UBR1: variants seen among roughly 807,000 people sequenced by gnomAD.
The protein encoded by UBR1 is E3 ubiquitin-protein ligase UBR1.
In UBR1, 102 loss-of-function variants were observed where a neutral mutation model predicts 242.1. The ratio of observed to expected loss-of-function variants is 0.42; its 90% confidence interval spans 0.36 to 0.50. The LOEUF is 0.50. Ranked by LOEUF, UBR1 falls within the 20% of genes least tolerant of loss-of-function variation. UBR1 has a pLI of 0.01. For missense variants in UBR1, 1,772 were observed against 2,101.8 expected (o/e 0.84, Z 3.07); for synonymous variants, 675 against 684.8 (o/e 0.99, Z 0.22).
intron 15 of UBR1, among the ~76,000 whole-genome samples, chr15:43,041,284 C>T (rs1354924764): frequency 6.6e-6 from 1 of 152,024 alleles, no homozygotes; most frequent in Non-Finnish European, 1.5e-5. Context: ...TGAGTTCATG[C>T]CCTTTGTAGG....
chr15:42,949,292 G>T lies in UBR1; in HGVS notation c.5108+970C>A, dbSNP rs1350930810. Among the ~76,000 whole-genome samples, 5 of 106,448 alleles carry T rather than the reference G, an allele frequency of 4.7e-5. No individual in the cohort carries two copies. In the South Asian group the frequency reaches 1.7e-3, roughly 35 times the overall value. The allele number at this position is 106,448 out of a possible 152,430, so 69.8% of individuals were successfully genotyped here. ...TGGGGACTGTTGTGGGGTGGGGGGA[G>T]GGGGGAGGGATAGCATTTGGAGATA... On this transcript the variant is annotated intron_variant, in intron 46 of 46. Transcript: ENST00000290650.
At position 43,061,520 on chromosome 15, in the gene UBR1, T is replaced by TAC. The variant is rs756319254; in HGVS notation, c.799-1408_799-1407dup. On this transcript the variant is annotated intron_variant, in intron 6 of 46. Transcript: ENST00000290650. ...ATAAAGAAACTGTGATAGATATAGA[T>TAC]ACACACACACACATATACACATACA... is the stretch of plus-strand genomic sequence containing the variant. Among the ~76,000 whole-genome samples, 8 of 151,974 alleles carry TAC rather than the reference T, an allele frequency of 5.3e-5. No individual in the cohort carries two copies. The East Asian group carries it at 1.4e-3, about 26-fold the overall frequency.
At chr15:42,989,242 A>G (rs2032520136) in intron 34 of UBR1, among the ~76,000 whole-genome samples, 2 of 152,260 alleles carry the variant, frequency 1.3e-5, no homozygotes, top group Non-Finnish European at 2.9e-5. Flanking sequence ...GCAAATGCTC[A>G]CAGCTAGAAG....
intron 19 of UBR1, among the ~76,000 whole-genome samples, chr15:43,032,985 G>T (rs1305910898): frequency 1.3e-5 from 2 of 152,152 alleles, no homozygotes; most frequent in Non-Finnish European, 2.9e-5. Flanking sequence ...CAGTTATATG[G>T]TGAGAGTATC....
chr15:43,059,594 A>C, intron 8 of UBR1, 108 bp downstream of exon 8: 1 of 1,375,502 alleles, frequency 7.3e-7, no homozygotes, highest in Non-Finnish European at 9.9e-7. Flanking sequence ...AAACCAAAAA[A>C]AAAAAAAAAA....
intron 29 of UBR1, among the ~76,000 whole-genome samples, chr15:43,015,160 G>C (rs2033000855): frequency 6.6e-6 from 1 of 152,240 alleles, no homozygotes; most frequent in African/African-American, 2.4e-5. Context: ...AGCTCATTGA[G>C]AACGGGCCAT....
At chr15:42,977,497 G>A (rs528500766) in intron 38 of UBR1, among the ~76,000 whole-genome samples, 2 of 152,128 alleles carry the variant, frequency 1.3e-5, no homozygotes, top group South Asian at 2.1e-4. Flanking sequence ...TACACCCATG[G>A]TCTGGTCCTC....
chr15:43,037,636 T>C (rs957619885), intron 17 of UBR1, 137 bp downstream of exon 17: 12 of 740,222 alleles, frequency 1.6e-5, no homozygotes, highest in Non-Finnish European at 2.3e-5. Flanking sequence ...TTCCTAGAAC[T>C]TTCATTTCTA....
chr15:43,035,668 T>C (rs1596111917), intron 19 of UBR1, among the ~76,000 whole-genome samples: 1 of 149,376 alleles, frequency 6.7e-6, no homozygotes, highest in South Asian at 2.2e-4. Flanking sequence ...TTTGTTGCCA[T>C]TGCTTTTGGT....
intron 29 of UBR1, among the ~76,000 whole-genome samples, chr15:43,014,757 G>A (rs1279120437): frequency 6.3e-5 from 7 of 111,144 alleles, no homozygotes; most frequent in East Asian, 3.5e-4. Flanking sequence ...GACCGTCTCC[G>A]CCCGGCAGCC....
intron 39 of UBR1, 43 bp downstream of exon 39, chr15:42,976,674 G>T (rs1461779027): frequency 6.2e-7 from 1 of 1,610,998 alleles, no homozygotes; most frequent in South Asian, 1.1e-5. Flanking sequence ...AGTAAAGCAT[G>T]GCAAAATGTT....
At chr15:43,052,286 G>A (rs756157675) in intron 12 of UBR1, among the ~76,000 whole-genome samples, 1 of 152,176 alleles carries the variant, frequency 6.6e-6, no homozygotes, top group Non-Finnish European at 1.5e-5. Context: ...AAAAGACCTG[G>A]CAGGTATGAC....
chr15:43,005,749 ATTC>A (rs1469162416), intron 30 of UBR1, among the ~76,000 whole-genome samples: 3 of 152,056 alleles, frequency 2.0e-5, no homozygotes, highest in Non-Finnish European at 4.4e-5. Context: ...ACTAAGAAAA[ATTC>A]TTCTGCCTTG....
At chr15:43,005,405 C>A (rs1311908025) in intron 30 of UBR1, among the ~76,000 whole-genome samples, 1 of 151,486 alleles carries the variant, frequency 6.6e-6, no homozygotes, top group Non-Finnish European at 1.5e-5. Context: ...GGCCAGCCGC[C>A]CTGTCTTGGA....
Position 42,963,673 on chromosome 15 carries a change from C to T in UBR1, c.4700+262G>A, listed in dbSNP as rs970914835. On this transcript the variant is annotated intron_variant, in intron 42 of 46. Coordinates refer to ENST00000290650, the MANE Select transcript of UBR1 (RefSeq NM_174916.3). ...CTGCTAGCAAAATCCCCACCCCCCA[C>T]CCCCAATTTAAAACAGATGAGACAC... Among the ~76,000 whole-genome samples the T allele has an allele frequency of 3.0e-5, 3 of 98,424 alleles. No homozygotes were observed. In the Admixed American group the frequency reaches 4.8e-4, roughly 16 times the overall value. 64.6% of individuals were successfully genotyped at this position (98,424 alleles called of 152,430 possible).
At chr15:43,075,227 C>A in intron 3 of UBR1, 138 bp from the exon 4 acceptor site, 1 of 784,660 alleles carries the variant, frequency 1.3e-6, no homozygotes. Flanking sequence ...CTGGATGTAA[C>A]AAAAACCATT....
At chr15:43,089,126 C>T (rs1477258428) in intron 1 of UBR1, among the ~76,000 whole-genome samples, 1 of 151,218 alleles carries the variant, frequency 6.6e-6, no homozygotes, top group African/African-American at 2.4e-5. Flanking sequence ...CATGCCACTG[C>T]ACTCCAGCCT....
At chr15:43,088,205 C>T (rs898345870) in intron 1 of UBR1, among the ~76,000 whole-genome samples, 1 of 152,050 alleles carries the variant, frequency 6.6e-6, no homozygotes, top group Non-Finnish European at 1.5e-5. Flanking sequence ...CCTGAATGTC[C>T]GTGAAGACAG....
In UBR1 at chr15:42,976,925, T is replaced by C. The variant is rs1021525437; in HGVS notation, c.4219-58A>G. 3 of 1,571,332 alleles carry C rather than the reference T, an allele frequency of 1.9e-6. No individual in the cohort carries two copies. In the African/African-American group the frequency reaches 4.1e-5, roughly 21 times the overall value. On this transcript the variant is annotated intron_variant, in intron 38 of 46. Transcript: ENST00000290650. ...ATGATAAAAGACTAACATAAATTAA[T>C]GTCATAACTAAATGTGAAGGGCAGC... is the stretch of plus-strand genomic sequence containing the variant.
Sources: gnomAD v4.1 joint callset for allele counts (sites outside exome capture counted in the v4.1 genomes callset) on GRCh38, gnomAD v4.1.1 for gene constraint, MANE v1.5 for transcripts, NCBI Gene and HGNC (gene_info 2026-07-23, HGNC 2026-07-21) for gene names.